HSPBAP1: variants seen among roughly 807,000 people sequenced by gnomAD.
HSPBAP1 encodes HSPB1-associated protein 1.
Under a neutral mutation model 45.2 loss-of-function variants are expected in HSPBAP1, and 27 were observed. The ratio of observed to expected loss-of-function variants is 0.60; its 90% CI spans 0.44 to 0.82. The LOEUF (loss-of-function observed/expected upper bound fraction) is 0.82. HSPBAP1 is among the 40% of genes least tolerant of loss of function. HSPBAP1 has a pLI of 0.00. For missense variants in HSPBAP1, 510 were observed against 590.9 expected (o/e 0.86, Z 1.42); for synonymous variants, 204 against 202.7 (o/e 1.01, Z -0.06).
At chr3:122,789,587 G>A (rs1935759816) in intron 1 of HSPBAP1, among the ~76,000 whole-genome samples, 1 of 152,148 alleles carries the variant, frequency 6.6e-6, no homozygotes. Flanking sequence ...TATCTCCCTA[G>A]AGGTTAGTCC....
chr3:122,770,688 G>A (rs926936378), intron 2 of HSPBAP1, among the ~76,000 whole-genome samples: 4 of 152,172 alleles, frequency 2.6e-5, no homozygotes, highest in Middle Eastern at 6.8e-3. Flanking sequence ...GTGACACAGT[G>A]AGATCCTGTC....
At chr3:122,789,864 C>CTTT (rs368711372) in intron 1 of HSPBAP1, among the ~76,000 whole-genome samples, 170 of 137,142 alleles carry the variant, frequency 1.2e-3, no homozygotes, top group African/African-American at 4.3e-3. Context: ...GCCAAAGCTT[C>CTTT]TTTTTTTTTT....
chr3:122,769,836 C>T (rs112688765), intron 2 of HSPBAP1, among the ~76,000 whole-genome samples: 8,264 of 152,296 alleles, frequency 0.054, 289 homozygotes, highest in Middle Eastern at 0.11. Flanking sequence ...TGTGCCACCA[C>T]GTCTGGCTAA....
intron 6 of HSPBAP1, among the ~76,000 whole-genome samples, chr3:122,742,046 C>G (rs1933689246): frequency 6.6e-6 from 1 of 151,844 alleles, no homozygotes; most frequent in South Asian, 2.1e-4. Context: ...AACTTTTGCA[C>G]ATGTGTGCCA....
chr3:122,756,923 A>G (rs957759024), intron 4 of HSPBAP1, among the ~76,000 whole-genome samples: 5 of 152,028 alleles, frequency 3.3e-5, no homozygotes, highest in Admixed American at 3.3e-4. Flanking sequence ...CTCTGAAGAG[A>G]TCATCAGTCT....
In HSPBAP1 at chr3:122,777,866, T is replaced by C. The variant is rs368710025; in HGVS notation, c.105A>G (p.Glu35=). ...CAGGTTGTTGTAAAGACATGATAAT[T>C]TCTTTTGCTTTCTCTGGCTTAAAAG... The part of the protein sequence containing the change: ...VKPFKPEKAK[E]IIMSLQQPAI... Residue 35 remains glutamate (E), a synonymous_variant, in exon 2 of 8, where the codon GAA becomes GAG. Transcript: ENST00000306103. 8 of 1,613,290 alleles carry C rather than the reference T, an allele frequency of 5.0e-6. No homozygotes were observed. Among genetic ancestry groups the C allele is most frequent in the African/African-American group, 4.0e-5 (3 of 74,914 alleles).
At chr3:122,753,209 G>T in intron 5 of HSPBAP1, 1 of 214,438 alleles carries the variant, frequency 4.7e-6, no homozygotes, top group Non-Finnish European at 8.0e-6. Flanking sequence ...GAAGAAGTGT[G>T]ATTTGAACCC....
intron 4 of HSPBAP1, among the ~76,000 whole-genome samples, chr3:122,757,136 A>AG (rs1162305578): frequency 6.6e-6 from 1 of 152,164 alleles, no homozygotes; most frequent in Non-Finnish European, 1.5e-5. Context: ...GGGTTAAAAA[A>AG]TGTAAAATGC....
At position 122,740,714 on chromosome 3, in the gene HSPBAP1, C is replaced by A. The variant is rs1236845108; in HGVS notation, c.1098G>T (p.Glu366Asp). 1 of 1,613,992 alleles carries A rather than the reference C, an allele frequency of 6.2e-7. No individual in the cohort carries two copies. The highest frequency in any genetic ancestry group is 1.3e-5 in the African/African-American group (1 of 74,924). The change falls in exon 8 of 8, where the codon GAG (glutamate) becomes GAT (aspartate). Residue 366 changes from glutamate to aspartate, a missense_variant. Transcript: ENST00000306103. ...AGTTCTGGCTACCTGTTTGGCCCAC[C>A]TCCATGTGGTTGCACACATTTAATT... The part of the protein sequence containing the change: ...KEELNVCNHM[E>D]VGQTGSQNLT...
chr3:122,755,241 T>C lies in HSPBAP1; in HGVS notation c.741+19A>G, dbSNP rs769974788. On this transcript the variant is annotated intron_variant, in intron 5 of 7. Coordinates refer to ENST00000306103, the MANE Select transcript of HSPBAP1 (RefSeq NM_024610.6). ...GTGGTGTCCCCTGGCAGGTCATTAATGTTTTAAAGCCCTATTACCTGTCCT... is the reference window on the plus strand; with the variant it reads ...GTGGTGTCCCCTGGCAGGTCATTAACGTTTTAAAGCCCTATTACCTGTCCT... The C allele has an allele frequency of 1.7e-5, 25 of 1,507,782 alleles. No individual in the cohort carries two copies. The highest frequency in any genetic ancestry group is 1.8e-4 in the Middle Eastern group (1 of 5,580). The allele number at this position is 1,507,782 out of a possible 1,614,324, so 93.4% of individuals were successfully genotyped here.
intron 1 of HSPBAP1, 28 bp downstream of exon 1, chr3:122,793,589 C>A (rs1314163533): frequency 6.2e-7 from 1 of 1,610,386 alleles, no homozygotes; most frequent in Non-Finnish European, 8.5e-7. Context: ...GGTTTGTACT[C>A]AGGGTCGGAC....
chr3:122,793,344 G>A (rs763766493), intron 1 of HSPBAP1, among the ~76,000 whole-genome samples: 2 of 152,164 alleles, frequency 1.3e-5, no homozygotes, highest in Admixed American at 6.5e-5. Flanking sequence ...CCTCTATTTA[G>A]CTAATGATGG....
intron 1 of HSPBAP1, among the ~76,000 whole-genome samples, chr3:122,782,342 T>A (rs1935513988): frequency 6.6e-6 from 1 of 152,210 alleles, no homozygotes; most frequent in African/African-American, 2.4e-5. Flanking sequence ...TTCAACTGCA[T>A]CTATAAACAG....
At chr3:122,755,831 T>C (rs1576244718) in intron 4 of HSPBAP1, among the ~76,000 whole-genome samples, 1 of 152,198 alleles carries the variant, frequency 6.6e-6, no homozygotes, top group Non-Finnish European at 1.5e-5. Context: ...CTTATCTTAT[T>C]CAGAGCAAAC....
chr3:122,765,603 G>GA (rs755386567), intron 3 of HSPBAP1, among the ~76,000 whole-genome samples: 13,620 of 136,922 alleles, frequency 0.099, 858 homozygotes, highest in African/African-American at 0.18. Flanking sequence ...AAGAGAAAAA[G>GA]AAAAAAAAAA....
At chr3:122,776,878 C>G (rs9755979) in intron 2 of HSPBAP1, among the ~76,000 whole-genome samples, 103,605 of 151,994 alleles carry the variant, frequency 0.68, 36,007 homozygotes, top group Non-Finnish European at 0.77. Flanking sequence ...CAGCAGGAAG[C>G]GAAGCTGGGG....
At chr3:122,757,421 T>G (rs986779305) in intron 4 of HSPBAP1, among the ~76,000 whole-genome samples, 11 of 152,202 alleles carry the variant, frequency 7.2e-5, no homozygotes, top group African/African-American at 2.7e-4. Context: ...TATCCATCCT[T>G]CAAGGCCCAC....
At chr3:122,775,639 G>A (rs1935168248) in intron 2 of HSPBAP1, among the ~76,000 whole-genome samples, 2 of 152,158 alleles carry the variant, frequency 1.3e-5, no homozygotes, top group Admixed American at 1.3e-4. Flanking sequence ...TTTTAAAATG[G>A]AGTGTTGGCA....
chr3:122,753,716 C>T, intron 5 of HSPBAP1: 1 of 984,642 alleles, frequency 1.0e-6, no homozygotes, highest in Non-Finnish European at 1.2e-6. Context: ...AAAGAGAGAT[C>T]CTTTCAGGAA....
Sources: gnomAD v4.1 joint callset for allele counts (sites outside exome capture counted in the v4.1 genomes callset) on GRCh38, gnomAD v4.1.1 for gene constraint, MANE v1.5 for transcripts, NCBI Gene and HGNC (gene_info 2026-07-23, HGNC 2026-07-21) for gene names.